The following PTPN3 variants were observed in gnomAD, a reference collection of about 807,000 sequenced individuals.
PTPN3 encodes the protein protein tyrosine phosphatase non-receptor type 3.
Under a neutral mutation model 132.7 loss-of-function variants are expected in PTPN3, and 96 were observed. The observed-to-expected ratio is 0.72, with a 90% CI of 0.61 to 0.86. The LOEUF (loss-of-function observed/expected upper bound fraction) is 0.86, where lower values mean the gene tolerates loss of function less well. PTPN3 is among the 40% of genes least tolerant of loss of function. PTPN3 has a pLI of 0.00. For synonymous variants in PTPN3, 398 were observed against 429.0 expected, an observed-to-expected ratio of 0.93 and a Z score of 0.89; for missense variants, 1,125 against 1,159.6, an observed-to-expected ratio of 0.97 and a Z score of 0.43.
rs988722035 is a variant in PTPN3 at position 109,421,695 on chromosome 9, G to A, written c.1136+1023C>T. Among the ~76,000 whole-genome samples the A allele has an allele frequency of 2.0e-5, 3 of 152,250 alleles. No individual in the cohort carries two copies. In the East Asian group the frequency reaches 5.8e-4, roughly 29 times the overall value. ...GAGGTATCTAAATGTTGGAAACCAA[G>A]AAGCAAATCTATTCAGTTACGTCAT... is the stretch of plus-strand genomic sequence containing the variant. On this transcript the variant is annotated intron_variant, in intron 13 of 25. Coordinates refer to ENST00000374541, the MANE Select transcript of PTPN3 (RefSeq NM_002829.4).
chr9:109,385,487 C>A (rs1014814375), intron 22 of PTPN3, among the ~76,000 whole-genome samples: 1 of 152,120 alleles, frequency 6.6e-6, no homozygotes, highest in East Asian at 1.9e-4. Flanking sequence ...GAGGTAGGTA[C>A]TATGATTGTC....
intron 12 of PTPN3, among the ~76,000 whole-genome samples, chr9:109,423,158 T>C (rs1842999003): frequency 6.6e-6 from 1 of 152,212 alleles, no homozygotes; most frequent in African/African-American, 2.4e-5. Flanking sequence ...GAAATACAGC[T>C]CCAGTGATTT....
At chr9:109,438,027 A>C (rs1844183441) in intron 8 of PTPN3, 87 bp downstream of exon 8, 2 of 1,420,234 alleles carry the variant, frequency 1.4e-6, no homozygotes, top group Non-Finnish European at 1.9e-6. Context: ...TGCACAAAAG[A>C]AAGAGGCTGC....
At chr9:109,469,947 A>G (rs4978812) in intron 1 of PTPN3, among the ~76,000 whole-genome samples, 26,506 of 151,934 alleles carry the variant, frequency 0.17, 2,558 homozygotes, top group East Asian at 0.38. Flanking sequence ...CTTATTTCAA[A>G]AATCCTTTTT....
intron 18 of PTPN3, 26 bp downstream of exon 18, chr9:109,406,436 G>A (rs757174036): frequency 6.2e-7 from 1 of 1,607,542 alleles, no homozygotes; most frequent in Non-Finnish European, 8.5e-7. Flanking sequence ...GCTTCCCTAT[G>A]GCTCCTCCCC....
At chr9:109,403,239 G>T in intron 19 of PTPN3, among the ~76,000 whole-genome samples, 1 of 152,106 alleles carries the variant, frequency 6.6e-6, no homozygotes, top group East Asian at 1.9e-4. Context: ...TTCACTCAAA[G>T]CTCTCTGCTT....
chr9:109,422,457 G>A (rs1213750746), intron 13 of PTPN3, among the ~76,000 whole-genome samples: 2 of 152,188 alleles, frequency 1.3e-5, no homozygotes, highest in Non-Finnish European at 2.9e-5. Flanking sequence ...TGATTCCAAA[G>A]GAGGCCTTTC....
intron 22 of PTPN3, 57 bp from the exon 23 acceptor site, chr9:109,383,608 G>A: frequency 2.1e-5 from 33 of 1,595,478 alleles, no homozygotes; most frequent in Non-Finnish European, 2.7e-5. Context: ...CCTGCAAGCA[G>A]TTAACCCTGG....
At chr9:109,529,747 A>G in the PTPN3 span, among the ~76,000 whole-genome samples, 1 of 152,204 alleles carries the variant, frequency 6.6e-6, no homozygotes, top group Non-Finnish European at 1.5e-5. Context: ...AACCATCACC[A>G]ATAACCATCC....
At chr9:109,480,456 G>A (rs1176276614) in intron 1 of PTPN3, among the ~76,000 whole-genome samples, 1 of 152,160 alleles carries the variant, frequency 6.6e-6, no homozygotes, top group Non-Finnish European at 1.5e-5. Flanking sequence ...GAGCCACTGC[G>A]CCTGGCCTAT....
At chr9:109,454,929 T>G (rs1196392499) in intron 4 of PTPN3, among the ~76,000 whole-genome samples, 2 of 152,238 alleles carry the variant, frequency 1.3e-5, no homozygotes, top group African/African-American at 4.8e-5. Flanking sequence ...AGCCTGCGTT[T>G]GTGTAGCCAT....
chr9:109,528,317 C>G, the PTPN3 span, among the ~76,000 whole-genome samples: 6 of 152,120 alleles, frequency 3.9e-5, no homozygotes, highest in African/African-American at 1.4e-4. Flanking sequence ...AAGAGCCAAA[C>G]TGGAAACAAT....
At chr9:109,396,744 A>C (rs2131670461) in intron 19 of PTPN3, among the ~76,000 whole-genome samples, 1 of 152,320 alleles carries the variant, frequency 6.6e-6, no homozygotes, top group East Asian at 1.9e-4. Flanking sequence ...TCCAAAGACA[A>C]AAAATTTGAA....
chr9:109,391,023 A>C (rs1840033015), intron 21 of PTPN3, 115 bp downstream of exon 21: 1 of 905,980 alleles, frequency 1.1e-6, no homozygotes, highest in African/African-American at 1.7e-5. Flanking sequence ...GTGGTGCTGA[A>C]ATGCGGTGGT....
rs769584100 is a variant in PTPN3 at position 109,382,444 on chromosome 9, C to T, written c.2386G>A (p.Gly796Arg). 22 of 1,613,978 alleles carry T rather than the reference C, an allele frequency of 1.4e-5. No individual in the cohort carries two copies. The highest frequency in any genetic ancestry group is 1.7e-4 in the Middle Eastern group (1 of 6,014). Residue 796 changes from glycine (G) to arginine (R), a missense_variant, in exon 24 of 26, where the codon GGG becomes AGG. Gly to Arg is a moderately radical substitution (Grantham distance 125). Transcript: ENST00000374541. ...AGATGTGTCACTGTGTGTTCTTCCC[C>T]GGTCTGTGGGAGATGCAGTGGCCTT... ...REMLVTNTQT[G>R]EEHTVTHLQY...
chr9:109,479,121 TACC>T (rs1325368230), intron 1 of PTPN3, among the ~76,000 whole-genome samples: 1 of 152,152 alleles, frequency 6.6e-6, no homozygotes, highest in Non-Finnish European at 1.5e-5. Context: ...GTGCAAACAT[TACC>T]ACTATTTCCA....
rs1388330646 is a variant in PTPN3 at position 109,420,481 on chromosome 9, G to T, written c.1256C>A (p.Ser419Tyr). ...AGAATCGCTGTCTTGAGGGGCCAGA[G>T]AGCCCTTGTACGTGTAAAATACATC... Reference protein sequence around the residue: ...TEDVFYTYKGSLAPQDSDSEV... With the variant: ...TEDVFYTYKGYLAPQDSDSEV... The change falls in exon 14 of 26, where the codon TCT becomes TAT. Residue 419 changes from serine (S) to tyrosine (Y), a missense_variant. Physicochemically the swap from Ser to Tyr is moderately radical, Grantham distance 144 (BLOSUM62 -2). Coordinates refer to ENST00000374541, the MANE Select transcript of PTPN3 (RefSeq NM_002829.4). 3.1e-6 allele frequency: 5 copies of T among 1,613,002 alleles called. No individual in the cohort carries two copies. Among genetic ancestry groups the T allele is most frequent in the Non-Finnish European group, 2.5e-6 (3 of 1,179,294 alleles).
intron 12 of PTPN3, among the ~76,000 whole-genome samples, chr9:109,424,411 A>G (rs1843099744): frequency 6.6e-6 from 1 of 152,176 alleles, no homozygotes; most frequent in Non-Finnish European, 1.5e-5. Flanking sequence ...CCCAACCCAA[A>G]TGATCCCCTG....
At chr9:109,534,374 G>T in the PTPN3 span, 2 of 1,478,806 alleles carry the variant, frequency 1.4e-6, no homozygotes, top group Non-Finnish European at 1.8e-6. Context: ...GGCAGCTGCG[G>T]CTCCTCCCGG....
Sources: gnomAD v4.1 joint callset for allele counts (sites outside exome capture counted in the v4.1 genomes callset) on GRCh38, gnomAD v4.1.1 for gene constraint, MANE v1.5 for transcripts, NCBI Gene and HGNC (gene_info 2026-07-23, HGNC 2026-07-21) for gene names.